MICU3: variants seen among roughly 807,000 people sequenced by gnomAD.
MICU3 encodes the protein calcium uptake protein 3, mitochondrial.
Under a neutral mutation model 66.5 loss-of-function variants are expected in MICU3, and 62 were observed. The observed-to-expected ratio is 0.93, with a 90% confidence interval of 0.76 to 1.15. MICU3 has a LOEUF of 1.15. Among genes scored for constraint, MICU3 ranks in the 50% most tolerant of loss-of-function variants. The probability of loss-of-function intolerance (pLI) is 0.00; values close to 1 mark genes in which losing one functional copy is unlikely to be tolerated. For missense variants in MICU3, 779 were observed against 664.4 expected, an observed-to-expected ratio of 1.17 and a Z score of -1.90; for synonymous variants, 308 against 240.7, an observed-to-expected ratio of 1.28 and a Z score of -2.59.
chr8:17,126,724 G>A (rs1489077598), downstream of MICU3, among the ~76,000 whole-genome samples: 2 of 152,194 alleles, frequency 1.3e-5, no homozygotes, highest in East Asian at 1.9e-4. Flanking sequence ...CAAATCTAGA[G>A]TTAGACTACT....
At chr8:17,104,713 C>CTGGATTGATTGTTATCTCTT (rs1801584291) in intron 10 of MICU3, among the ~76,000 whole-genome samples, 1 of 118,972 alleles carries the variant, frequency 8.4e-6, no homozygotes, top group African/African-American at 4.2e-5. Context: ...TTCCAGATAT[C>CTGGATTGATTGTTATCTCTT]GGCCGGGCGC....
At chr8:17,108,733 T>A (rs1801949617) in intron 11 of MICU3, among the ~76,000 whole-genome samples, 1 of 152,198 alleles carries the variant, frequency 6.6e-6, no homozygotes, top group South Asian at 2.1e-4. Flanking sequence ...CTCCCTGCAA[T>A]CTATTCTGCA....
chr8:17,093,251 C>T (rs931053962), intron 8 of MICU3, among the ~76,000 whole-genome samples: 2 of 151,828 alleles, frequency 1.3e-5, no homozygotes, highest in African/African-American at 4.8e-5. Flanking sequence ...TAAATAATGC[C>T]AAAAGCCAAG....
chr8:17,115,543 C>T (rs531567151), intron 12 of MICU3, among the ~76,000 whole-genome samples: 10 of 152,250 alleles, frequency 6.6e-5, no homozygotes, highest in Non-Finnish European at 1.3e-4. Context: ...GCTAGAAATA[C>T]GTCCATCTCT....
chr8:17,133,740 T>G, the MICU3 span, among the ~76,000 whole-genome samples: 3 of 152,170 alleles, frequency 2.0e-5, no homozygotes, highest in African/African-American at 7.2e-5. Context: ...TATCCAGCAC[T>G]ATTTATGGAA....
intron 3 of MICU3, among the ~76,000 whole-genome samples, chr8:17,072,403 T>C (rs1439264127): frequency 1.3e-5 from 2 of 151,868 alleles, no homozygotes; most frequent in African/African-American, 2.4e-5. Flanking sequence ...TAAGTTCTTA[T>C]TTGTGACAAA....
chr8:17,108,206 A>G (rs1371730507), intron 11 of MICU3, among the ~76,000 whole-genome samples: 3 of 152,134 alleles, frequency 2.0e-5, no homozygotes, highest in Non-Finnish European at 2.9e-5. Flanking sequence ...TTTATTAGGA[A>G]CCAGTCATAT....
At chr8:17,130,105 A>C in the MICU3 span, among the ~76,000 whole-genome samples, 2 of 152,256 alleles carry the variant, frequency 1.3e-5, no homozygotes, top group African/African-American at 4.8e-5. Flanking sequence ...TGGAAGAGTT[A>C]AAAGAACTTC....
At chr8:17,127,120 A>C (rs1414554363), downstream of MICU3, among the ~76,000 whole-genome samples, 7 of 152,200 alleles carry the variant, frequency 4.6e-5, 1 homozygote, top group Admixed American at 2.0e-4. Context: ...AGATATTTTG[A>C]GTGTATGCTA....
At chr8:17,052,064 C>G (rs1266533997) in intron 1 of MICU3, among the ~76,000 whole-genome samples, 2 of 152,128 alleles carry the variant, frequency 1.3e-5, no homozygotes, top group East Asian at 1.9e-4. Flanking sequence ...AACCACTATG[C>G]TATACTGCCT....
intron 7 of MICU3, among the ~76,000 whole-genome samples, chr8:17,088,005 AT>A (rs1359533466): frequency 1.3e-5 from 2 of 152,026 alleles, no homozygotes; most frequent in Non-Finnish European, 2.9e-5. Flanking sequence ...TATTTTTATT[AT>A]TCTCATTTTT....
intron 11 of MICU3, among the ~76,000 whole-genome samples, chr8:17,110,662 C>T (rs1802112815): frequency 6.6e-6 from 1 of 151,982 alleles, no homozygotes; most frequent in Non-Finnish European, 1.5e-5. Context: ...CTCCTTGGCT[C>T]AAGTGATTCT....
chr8:17,053,360 A>G (rs551096105), intron 1 of MICU3, among the ~76,000 whole-genome samples: 27 of 152,296 alleles, frequency 1.8e-4, no homozygotes, highest in Admixed American at 4.6e-4. Context: ...ACCTTAACAC[A>G]GAGTAAATTT....
At chr8:17,105,282 C>CT in intron 10 of MICU3, 131 bp from the exon 11 acceptor site, 1 of 567,040 alleles carries the variant, frequency 1.8e-6, no homozygotes, top group South Asian at 2.6e-5. Flanking sequence ...CAGGGAGGAA[C>CT]TTTATTAATC....
chr8:17,124,161 C>G (rs1038029032), downstream of MICU3, among the ~76,000 whole-genome samples: 1 of 152,000 alleles, frequency 6.6e-6, no homozygotes, highest in African/African-American at 2.4e-5. Flanking sequence ...TCAAGTCCCC[C>G]TCCAAGACAC....
At chr8:17,068,244 G>T (rs887967544) in intron 2 of MICU3, among the ~76,000 whole-genome samples, 3 of 151,988 alleles carry the variant, frequency 2.0e-5, no homozygotes, top group Non-Finnish European at 4.4e-5. Context: ...AATCTTAATG[G>T]CTCTTTAGTC....
chr8:17,027,620 G>A lies in MICU3; in HGVS notation c.341G>A (p.Arg114Gln), dbSNP rs1261983239. 1.5e-6 allele frequency: 2 copies of A among 1,309,610 alleles called. No individual in the cohort carries two copies. The highest frequency in any genetic ancestry group is 1.9e-6 in the Non-Finnish European group (2 of 1,033,636). The allele number at this position is 1,309,610 out of a possible 1,614,324, so 81.1% of individuals were successfully genotyped here. Residue 114 changes from arginine (R) to glutamine (Q), a missense_variant, in exon 1 of 15, where the codon CGG (arginine) becomes CAG (glutamine). Physicochemically the swap from Arg to Gln is conservative, Grantham distance 43. Transcript: ENST00000318063. ...ATEPEDPPRG[R>Q]GMLPIPVAAA... Reference sequence around the variant, plus strand: ...GAGCCCGAGGACCCGCCCCGCGGCCGGGGGATGCTGCCCATCCCAGTGGCG... The same window carrying A: ...GAGCCCGAGGACCCGCCCCGCGGCCAGGGGATGCTGCCCATCCCAGTGGCG...
At chr8:17,128,229 TACAC>T in the MICU3 span, among the ~76,000 whole-genome samples, 5,439 of 144,330 alleles carry the variant, frequency 0.038, 263 homozygotes, top group African/African-American at 0.11. Flanking sequence ...GAGATCAGTG[TACAC>T]ACACACACAC....
chr8:17,077,253 G>C (rs1820515677), intron 3 of MICU3, among the ~76,000 whole-genome samples: 1 of 152,110 alleles, frequency 6.6e-6, no homozygotes, highest in Admixed American at 6.6e-5. Flanking sequence ...TTCATCCATT[G>C]TTATCATTCT....
Sources: allele counts gnomAD v4.1 joint callset (sites outside exome capture counted in the v4.1 genomes callset), GRCh38; gene constraint gnomAD v4.1.1; transcripts MANE v1.5; gene names NCBI Gene and HGNC (gene_info 2026-07-23, HGNC 2026-07-21).